NEBL: variants seen among roughly 807,000 people sequenced by gnomAD.
The protein encoded by NEBL is nebulette, also known as LIM and SH3 protein 2.
Under a neutral mutation model 140.2 loss-of-function variants are expected in NEBL, and 122 were observed. The ratio of observed to expected loss-of-function variants is 0.87; its 90% CI spans 0.75 to 1.01. NEBL has a LOEUF of 1.01. Ranked by LOEUF, NEBL falls within the 50% of genes least tolerant of loss-of-function variation. NEBL has a pLI of 0.00. For missense variants in NEBL, 1,365 were observed against 1,231.3 expected (o/e 1.11, Z -1.62); for synonymous variants, 436 against 398.9 (o/e 1.09, Z -1.11).
At chr10:20,810,059 A>G (rs757429543) in intron 24 of NEBL, among the ~76,000 whole-genome samples, 161 bp from the exon 25 acceptor site, 9 of 152,190 alleles carry the variant, frequency 5.9e-5, no homozygotes, top group Non-Finnish European at 8.8e-5. Flanking sequence ...TGCTGACTTC[A>G]GAAGAGAATG....
intron 1 of NEBL, among the ~76,000 whole-genome samples, chr10:21,257,548 T>C (rs541218040): frequency 1.3e-5 from 2 of 152,324 alleles, no homozygotes; most frequent in Non-Finnish European, 2.9e-5. Context: ...AAAGTTTAAG[T>C]CCTGGTCTGT....
At chr10:20,923,692 A>AAAAAAAAAAC in intron 4 of NEBL, among the ~76,000 whole-genome samples, 1 of 147,844 alleles carries the variant, frequency 6.8e-6, no homozygotes, top group Non-Finnish European at 1.5e-5. Context: ...AAAAAAAAAA[A>AAAAAAAAAAC]AAAAGAAATG....
chr10:20,871,850 T>C (rs1360089546), intron 5 of NEBL, among the ~76,000 whole-genome samples: 1 of 152,168 alleles, frequency 6.6e-6, no homozygotes, highest in East Asian at 1.9e-4. Flanking sequence ...GCCAATTCCA[T>C]TGGCTTCAAA....
intron 3 of NEBL, among the ~76,000 whole-genome samples, chr10:20,978,834 C>T (rs1441247590): frequency 2.0e-5 from 3 of 151,854 alleles, no homozygotes; most frequent in Non-Finnish European, 2.9e-5. Flanking sequence ...GTTGGAGCCA[C>T]TCGAGAGCAA....
intron 2 of NEBL, among the ~76,000 whole-genome samples, chr10:21,118,146 A>C (rs996358360): frequency 4.6e-5 from 7 of 152,116 alleles, no homozygotes; most frequent in Admixed American, 3.3e-4. Context: ...TACAGCCTAC[A>C]CCTGAACTGT....
chr10:20,971,757 G>A (rs921214999), intron 3 of NEBL, among the ~76,000 whole-genome samples: 2 of 151,838 alleles, frequency 1.3e-5, no homozygotes, highest in East Asian at 1.9e-4. Flanking sequence ...GGGACTATAG[G>A]CGCCCACCAC....
upstream of NEBL, among the ~76,000 whole-genome samples, chr10:20,899,859 C>A (rs979887313): frequency 6.6e-6 from 1 of 152,134 alleles, no homozygotes; most frequent in African/African-American, 2.4e-5. Flanking sequence ...TTTAATGGAT[C>A]GTTTGGCAAG....
intron 2 of NEBL, among the ~76,000 whole-genome samples, chr10:21,121,723 G>A (rs1377107989): frequency 6.6e-6 from 1 of 152,074 alleles, no homozygotes; most frequent in Non-Finnish European, 1.5e-5. Context: ...TGTCACCGGG[G>A]AAAGACAGCC....
At chr10:21,278,650 G>C (rs1029385713) in intron 1 of NEBL, among the ~76,000 whole-genome samples, 14 of 152,202 alleles carry the variant, frequency 9.2e-5, no homozygotes, top group Non-Finnish European at 1.6e-4. Flanking sequence ...GCACTGATTT[G>C]AGGAAAGGAT....
chr10:20,970,107 T>C (rs898504935), intron 3 of NEBL, among the ~76,000 whole-genome samples: 1 of 152,212 alleles, frequency 6.6e-6, no homozygotes, highest in Non-Finnish European at 1.5e-5. Context: ...ATAATACTAC[T>C]GCCTGACATC....
At chr10:20,903,629 A>G (rs1484800252) in intron 4 of NEBL, among the ~76,000 whole-genome samples, 1 of 152,180 alleles carries the variant, frequency 6.6e-6, no homozygotes, top group East Asian at 1.9e-4. Flanking sequence ...CTGGACATCA[A>G]CCAATAACTG....
At chr10:20,900,303 T>G (rs1229591552), upstream of NEBL, among the ~76,000 whole-genome samples, 1 of 152,234 alleles carries the variant, frequency 6.6e-6, no homozygotes, top group Non-Finnish European at 1.5e-5. Flanking sequence ...TGCCATGTCC[T>G]CTAGGGCAAA....
intron 2 of NEBL, among the ~76,000 whole-genome samples, chr10:21,166,320 GA>G (rs1199002496): frequency 6.7e-6 from 1 of 149,322 alleles, no homozygotes; most frequent in African/African-American, 2.5e-5. Flanking sequence ...AAAGTTTGCC[GA>G]AAGAATTCTC....
intron 2 of NEBL, among the ~76,000 whole-genome samples, chr10:21,020,435 C>A (rs1838741708): frequency 6.6e-6 from 1 of 152,054 alleles, no homozygotes; most frequent in Non-Finnish European, 1.5e-5. Flanking sequence ...CTTCTCTTTT[C>A]TAAGCGCATC....
chr10:20,894,137 C>T (rs1318424929), intron 2 of NEBL, among the ~76,000 whole-genome samples: 2 of 152,162 alleles, frequency 1.3e-5, no homozygotes, highest in African/African-American at 4.8e-5. Context: ...TTAGGCTGCA[C>T]CATGAAGAGA....
At chr10:20,889,807 A>C (rs373219650) in intron 3 of NEBL, 38 bp downstream of exon 3, 1 of 1,250,834 alleles carries the variant, frequency 8.0e-7, no homozygotes, top group African/African-American at 1.5e-5. Flanking sequence ...TAAGAAAAAG[A>C]TAAATGCAAG....
chr10:20,863,259 A>T (rs1020659929), intron 7 of NEBL, among the ~76,000 whole-genome samples: 2 of 152,314 alleles, frequency 1.3e-5, no homozygotes, highest in African/African-American at 4.8e-5. Flanking sequence ...CAAACCCAAA[A>T]CTTTACACTG....
intron 13 of NEBL, among the ~76,000 whole-genome samples, chr10:20,836,334 A>G (rs57773122): frequency 0.052 from 7,827 of 151,496 alleles, 613 homozygotes; most frequent in African/African-American, 0.17. Flanking sequence ...GCGATTCTCC[A>G]GCCTCAGCCT....
At chr10:21,120,017 G>A (rs899040093) in intron 2 of NEBL, among the ~76,000 whole-genome samples, 2 of 151,880 alleles carry the variant, frequency 1.3e-5, no homozygotes, top group Non-Finnish European at 2.9e-5. Flanking sequence ...CTAAGTGATG[G>A]GCAGAGAATA....
Sources: allele counts gnomAD v4.1 joint callset (sites outside exome capture counted in the v4.1 genomes callset), GRCh38; gene constraint gnomAD v4.1.1; transcripts MANE v1.5; gene names NCBI Gene and HGNC (gene_info 2026-07-23, HGNC 2026-07-21).